Variants in HEPH observed in about 807,000 individuals in gnomAD.
HEPH encodes the protein hephaestin.
In HEPH, 69 loss-of-function variants were observed where a neutral mutation model predicts 80.8. The ratio of observed to expected loss-of-function variants is 0.85; its 90% CI spans 0.70 to 1.04. The LOEUF is 1.04. Ranked by LOEUF, HEPH falls within the 50% of genes least tolerant of loss-of-function variation. The probability of loss-of-function intolerance (pLI) is 0.00; values close to 1 mark genes in which losing one functional copy is unlikely to be tolerated. For missense variants in HEPH, 1,115 were observed against 891.3 expected, an observed-to-expected ratio of 1.25 and a Z score of -3.20; for synonymous variants, 431 against 322.8, an observed-to-expected ratio of 1.34 and a Z score of -3.60.
chrX:66,257,819 G>T (rs1361444624), intron 17 of HEPH, among the ~76,000 whole-genome samples: 1 of 111,567 alleles, frequency 9.0e-6, no homozygotes, highest in Non-Finnish European at 1.9e-5. Context: ...TCTCTTGGGT[G>T]ATAAAGTGGA....
intron 6 of HEPH, among the ~76,000 whole-genome samples, chrX:66,191,242 G>A (rs1025624648): frequency 5.4e-5 from 6 of 111,651 alleles, no homozygotes; most frequent in East Asian, 2.8e-4. Flanking sequence ...TTCTTCATCC[G>A]CAAAAGGGGA....
chrX:66,260,287 A>T (rs1243642213), intron 19 of HEPH, 25 bp downstream of exon 19: 1 of 1,157,781 alleles, frequency 8.6e-7, no homozygotes, highest in East Asian at 3.0e-5. Flanking sequence ...CCCCAAAATG[A>T]TCATCTTCTA....
chrX:66,258,961 A>T lies in HEPH; in HGVS notation c.3018A>T (p.Ala1006=). 2 of 1,204,209 alleles carry T rather than the reference A, an allele frequency of 1.7e-6. No individual in the cohort carries two copies. The highest frequency in any genetic ancestry group is 3.5e-5 in the African/African-American group (2 of 57,588). The change falls in exon 18 of 21, where the codon GCA becomes GCT. Residue 1006 remains alanine, a synonymous_variant. Coordinates refer to ENST00000343002, the MANE Select transcript of HEPH (RefSeq NM_001367233.3). ...ATCTACACACCATCCACTTTCATGC[A>T]GAGAGCTTCCTCTATCGGGTGAGCT... ...DVDLHTIHFH[A]ESFLYRNGEN...
chrX:66,242,430 G>T (rs893724753), intron 15 of HEPH, among the ~76,000 whole-genome samples: 1 of 111,242 alleles, frequency 9.0e-6, no homozygotes, highest in Non-Finnish European at 1.9e-5. Flanking sequence ...AGAAACCTAG[G>T]ACATATCATT....
chrX:66,248,683 G>A (rs982262600), intron 15 of HEPH, among the ~76,000 whole-genome samples: 7 of 112,233 alleles, frequency 6.2e-5, no homozygotes, highest in African/African-American at 2.3e-4. Flanking sequence ...AGGTTTTTCT[G>A]TAGCACTTCA....
At chrX:66,210,424 G>A (rs1178178204) in intron 15 of HEPH, among the ~76,000 whole-genome samples, 1 of 111,625 alleles carries the variant, frequency 9.0e-6, no homozygotes, top group Non-Finnish European at 1.9e-5. Flanking sequence ...GAAGGTCAGG[G>A]TTGTGCCCAA....
At chrX:66,259,896 T>C (rs1357314871) in intron 18 of HEPH, among the ~76,000 whole-genome samples, 1 of 109,028 alleles carries the variant, frequency 9.2e-6, no homozygotes, top group Admixed American at 9.8e-5. Flanking sequence ...TTTTTTATTT[T>C]TTATTTTTTT....
chrX:66,194,479 G>T (rs1450508155), intron 8 of HEPH, among the ~76,000 whole-genome samples: 1 of 112,001 alleles, frequency 8.9e-6, no homozygotes, highest in African/African-American at 3.2e-5. Context: ...TAAGTGCCCA[G>T]TTTTGGTACT....
chrX:66,213,997 C>A (rs776206755), intron 15 of HEPH, among the ~76,000 whole-genome samples: 2 of 112,354 alleles, frequency 1.8e-5, no homozygotes, highest in African/African-American at 6.5e-5. Context: ...ATTACAGTTT[C>A]TTTTATCTCA....
At chrX:66,253,700 C>T (rs1282742386) in intron 15 of HEPH, among the ~76,000 whole-genome samples, 2 of 111,995 alleles carry the variant, frequency 1.8e-5, no homozygotes, top group Non-Finnish European at 3.8e-5. Flanking sequence ...AAATGTTCAT[C>T]AACTGAAGAA....
chrX:66,219,656 G>A (rs2089551890), intron 15 of HEPH, among the ~76,000 whole-genome samples: 2 of 111,730 alleles, frequency 1.8e-5, no homozygotes, highest in African/African-American at 6.5e-5. Flanking sequence ...CTCTCAGGGG[G>A]CCATGTATCA....
intron 16 of HEPH, among the ~76,000 whole-genome samples, chrX:66,255,739 C>T (rs2148189796): frequency 9.0e-6 from 1 of 111,423 alleles, no homozygotes; most frequent in South Asian, 3.8e-4. Flanking sequence ...GGTGCATGTA[C>T]TCTGGGCCTT....
intron 1 of HEPH, among the ~76,000 whole-genome samples, chrX:66,166,297 G>T (rs202097805): frequency 9.0e-6 from 1 of 111,331 alleles, no homozygotes; most frequent in Non-Finnish European, 1.9e-5. Context: ...AGGTTCAAGC[G>T]ATTCTCCTGC....
At chrX:66,215,920 C>T (rs2089367582) in intron 15 of HEPH, among the ~76,000 whole-genome samples, 1 of 109,779 alleles carries the variant, frequency 9.1e-6, no homozygotes, top group Admixed American at 9.6e-5. Flanking sequence ...TGAGACCAGC[C>T]TTTCGGCTGT....
At chrX:66,262,793 G>A (rs955684850) in intron 19 of HEPH, among the ~76,000 whole-genome samples, 1 of 111,602 alleles carries the variant, frequency 9.0e-6, no homozygotes, top group African/African-American at 3.3e-5. Context: ...TTGAAAGCTA[G>A]AGGTCTCATG....
intron 17 of HEPH, among the ~76,000 whole-genome samples, chrX:66,256,732 G>A (rs2091195803): frequency 8.9e-6 from 1 of 111,882 alleles, no homozygotes; most frequent in African/African-American, 3.2e-5. Context: ...TCTAAATTTG[G>A]GATCTGTTTT....
At position 66,203,287 on chromosome X, in the gene HEPH, T is replaced by C. The variant is rs1215103850; in HGVS notation, c.2078-77T>C. 7 of 898,967 alleles carry C rather than the reference T, an allele frequency of 7.8e-6. No individual in the cohort carries two copies. The Admixed American group carries it at 1.7e-4, about 22-fold the overall frequency. 74.1% of individuals were successfully genotyped at this position (898,967 alleles called of 1,213,427 possible). ...AACTAACTCTTTTCTGCAGTATGCC[T>C]AGGGAAAGGCAGGAAATCCCCCAGG... is the stretch of plus-strand genomic sequence containing the variant. On this transcript the variant is annotated intron_variant, in intron 12 of 20. Coordinates refer to ENST00000343002, the MANE Select transcript of HEPH (RefSeq NM_001367233.3).
intron 1 of HEPH, among the ~76,000 whole-genome samples, chrX:66,166,492 G>C (rs947079049): frequency 8.9e-6 from 1 of 112,206 alleles, no homozygotes; most frequent in South Asian, 3.7e-4. Context: ...ACTGTGCCTG[G>C]CCTAACATCT....
Position 66,203,395 on chromosome X carries a change from C to A in HEPH, c.2109C>A (p.Ser703Arg). 8.3e-7 allele frequency: 1 copy of A among 1,210,248 alleles called. No homozygotes were observed. The highest frequency in any genetic ancestry group is 3.0e-5 in the East Asian group (1 of 33,810). The change falls in exon 13 of 21, where the codon AGC becomes AGA. Residue 703 changes from serine (S) to arginine (R), a missense_variant. Around this residue, in one of 3 missense-constraint regions of HEPH, gnomAD observed 716 missense variants for 523.5 expected, o/e 1.37. Coordinates refer to ENST00000343002, the MANE Select transcript of HEPH (RefSeq NM_001367233.3). ...TTGAGATTTATTGCCAGGCAGGCAG[C>A]CATCGAGAAGCAGGGATGAGGGCAA... The part of the protein sequence containing the change: ...GTFEIYCQAG[S>R]HREAGMRAIY...
Sources: gnomAD v4.1 joint callset for allele counts (sites outside exome capture counted in the v4.1 genomes callset) on GRCh38, gnomAD v4.1.1 for gene constraint, gnomAD v4.1.1 regional missense constraint, MANE v1.5 for transcripts, NCBI Gene and HGNC (gene_info 2026-07-23, HGNC 2026-07-21) for gene names.